ZMYND11: variants seen among roughly 807,000 people sequenced by gnomAD.
ZMYND11 encodes zinc finger MYND domain-containing protein 11.
A neutral mutation model predicts 84.9 loss-of-function variants in ZMYND11; 9 were observed. That is an observed-to-expected ratio of 0.11 (90% confidence interval 0.06 to 0.18). The LOEUF is 0.18. Among genes scored for constraint, ZMYND11 ranks in the 10% least tolerant of loss-of-function variants. The pLI is 1.00. For synonymous variants in ZMYND11, 250 were observed against 244.1 expected, an observed-to-expected ratio of 1.02 and a Z score of -0.23; for missense variants, 409 against 761.0, an observed-to-expected ratio of 0.54 and a Z score of 5.44.
chr10:242,971 A>T (rs192702719), intron 10 of ZMYND11, among the ~76,000 whole-genome samples: 1 of 148,284 alleles, frequency 6.7e-6, no homozygotes, highest in African/African-American at 2.5e-5. Flanking sequence ...AAATAACTCA[A>T]TACAAAATGA....
chr10:136,491 G>C (rs1836102507), intron 1 of ZMYND11, among the ~76,000 whole-genome samples: 1 of 152,260 alleles, frequency 6.6e-6, no homozygotes, highest in East Asian at 1.9e-4. Context: ...AGTACCCGGT[G>C]TCGTACCGGC....
intron 2 of ZMYND11, among the ~76,000 whole-genome samples, chr10:188,639 C>T (rs1389989983): frequency 6.6e-6 from 1 of 151,270 alleles, no homozygotes; most frequent in Non-Finnish European, 1.5e-5. Context: ...AACTCATTGT[C>T]ATGTTATTTC....
At chr10:245,815 G>GT (rs1267948055) in intron 10 of ZMYND11, among the ~76,000 whole-genome samples, 9 of 152,168 alleles carry the variant, frequency 5.9e-5, no homozygotes, top group African/African-American at 2.2e-4. Context: ...TGACAAAATT[G>GT]TAAGTCCCTC....
chr10:142,178 G>T (rs369606692), intron 1 of ZMYND11, among the ~76,000 whole-genome samples: 44 of 152,246 alleles, frequency 2.9e-4, no homozygotes, highest in African/African-American at 9.9e-4. Context: ...TCTGGTCACT[G>T]CCACCTCCAC....
At chr10:153,047 T>G (rs1424077739) in intron 1 of ZMYND11, among the ~76,000 whole-genome samples, 1 of 152,232 alleles carries the variant, frequency 6.6e-6, no homozygotes. Context: ...CTGTTTGTAT[T>G]GGAACAGATT....
chr10:173,024 A>G (rs1268371472), intron 1 of ZMYND11, among the ~76,000 whole-genome samples: 2 of 152,068 alleles, frequency 1.3e-5, no homozygotes, highest in East Asian at 1.9e-4. Flanking sequence ...ACAAATGGAC[A>G]TCCACTTTCA....
At chr10:149,235 C>A (rs1839680066) in intron 1 of ZMYND11, among the ~76,000 whole-genome samples, 2 of 151,726 alleles carry the variant, frequency 1.3e-5, no homozygotes, top group Non-Finnish European at 1.5e-5. Flanking sequence ...GGATCTCCAT[C>A]CCTGCACTGT....
chr10:179,259 C>T (rs957382036), intron 1 of ZMYND11, among the ~76,000 whole-genome samples: 3 of 152,146 alleles, frequency 2.0e-5, no homozygotes, highest in Non-Finnish European at 2.9e-5. Flanking sequence ...TTTCTTTCCC[C>T]ATCTTGCCAG....
intron 10 of ZMYND11, 52 bp from the exon 11 acceptor site, chr10:246,714 C>G: frequency 6.4e-7 from 1 of 1,571,902 alleles, no homozygotes; most frequent in Non-Finnish European, 8.7e-7. Context: ...CTTTTACCAC[C>G]CTTCCTGCCA....
At chr10:139,505 T>C (rs1186787690) in intron 1 of ZMYND11, among the ~76,000 whole-genome samples, 1 of 152,238 alleles carries the variant, frequency 6.6e-6, no homozygotes, top group Non-Finnish European at 1.5e-5. Context: ...CAGATGTTAG[T>C]GACCTGGAGG....
chr10:136,951 T>C (rs555960579), intron 1 of ZMYND11, among the ~76,000 whole-genome samples: 12 of 152,264 alleles, frequency 7.9e-5, no homozygotes, highest in African/African-American at 2.9e-4. Context: ...TGGTGTCATA[T>C]ACAGTGTATA....
At chr10:198,013 A>G (rs965012035) in intron 2 of ZMYND11, 7 of 602,322 alleles carry the variant, frequency 1.2e-5, no homozygotes, top group African/African-American at 5.6e-5. Flanking sequence ...CTGGTAAGTA[A>G]GTTTTTAAAA....
chr10:150,039 T>A (rs1264915242), intron 1 of ZMYND11, among the ~76,000 whole-genome samples: 1 of 152,234 alleles, frequency 6.6e-6, no homozygotes, highest in Non-Finnish European at 1.5e-5. Flanking sequence ...GATTTTTGCA[T>A]CAATGTTCAT....
chr10:225,922 G>C (rs980240174), intron 4 of ZMYND11, among the ~76,000 whole-genome samples: 2 of 152,166 alleles, frequency 1.3e-5, no homozygotes, highest in Non-Finnish European at 2.9e-5. Context: ...CTTTGGTGGT[G>C]GAAAGGGTCT....
At chr10:212,767 T>C (rs1588992943) in intron 3 of ZMYND11, among the ~76,000 whole-genome samples, 1 of 152,160 alleles carries the variant, frequency 6.6e-6, no homozygotes, top group Admixed American at 6.5e-5. Flanking sequence ...GTATATAATA[T>C]AGTAAAAGCA....
chr10:251,996 A>G (rs758973524), intron 14 of ZMYND11, among the ~76,000 whole-genome samples: 2 of 152,148 alleles, frequency 1.3e-5, no homozygotes, highest in Admixed American at 6.5e-5. Context: ...AGTTTAGGCA[A>G]GTCTTTCAAG....
chr10:230,865 C>T (rs566484893), intron 4 of ZMYND11, among the ~76,000 whole-genome samples: 1 of 152,256 alleles, frequency 6.6e-6, no homozygotes, highest in South Asian at 2.1e-4. Context: ...TGATACGTAT[C>T]GAACGTTTAC....
At chr10:144,744 T>A (rs570318053) in intron 1 of ZMYND11, among the ~76,000 whole-genome samples, 1,497 of 146,150 alleles carry the variant, frequency 0.01, 29 homozygotes, top group African/African-American at 0.035. Flanking sequence ...ATATATATAA[T>A]ATATATATGC....
chr10:217,588 C>A (rs1464516157), intron 3 of ZMYND11, among the ~76,000 whole-genome samples: 3 of 151,586 alleles, frequency 2.0e-5, no homozygotes, highest in Non-Finnish European at 4.4e-5. Context: ...AAGAAATGTG[C>A]ACACATATAT....
Sources: allele counts gnomAD v4.1 joint callset (sites outside exome capture counted in the v4.1 genomes callset), GRCh38; gene constraint gnomAD v4.1.1; transcripts MANE v1.5; gene names NCBI Gene and HGNC (gene_info 2026-07-23, HGNC 2026-07-21).